HIF3A: variants seen among roughly 807,000 people sequenced by gnomAD.
HIF3A encodes the protein hypoxia inducible factor 3 subunit alpha, also known as hypoxia-inducible factor 3-alpha.
In HIF3A, 41 loss-of-function variants were observed where a neutral mutation model predicts 67.2. The observed-to-expected ratio is 0.61, with a 90% CI of 0.48 to 0.79. HIF3A has a LOEUF of 0.79. HIF3A is among the 30% of genes least tolerant of loss of function. The pLI is 0.00. For synonymous variants in HIF3A, 356 were observed against 374.8 expected (o/e 0.95, Z 0.58); for missense variants, 855 against 898.0 (o/e 0.95, Z 0.61).
chr19:46,338,832 A>G (rs1971808502), intron 14 of HIF3A, among the ~76,000 whole-genome samples: 1 of 152,124 alleles, frequency 6.6e-6, no homozygotes, highest in South Asian at 2.1e-4. Flanking sequence ...GCAGCCCTGA[A>G]CACCCCAGAG....
intron 1 of HIF3A, among the ~76,000 whole-genome samples, chr19:46,300,348 C>G (rs1206718323): frequency 1.3e-5 from 2 of 152,122 alleles, no homozygotes; most frequent in African/African-American, 4.8e-5. Flanking sequence ...ATCTCTGATA[C>G]GCACAGAGGG....
rs975876208 is a variant in HIF3A, at chr19:46,341,272, T to A, written c.*1650T>A. On this transcript the variant is annotated 3_prime_UTR_variant, in exon 15 of 15. Transcript: ENST00000377670. ...TGGAGTACAGTGGCTCAATCTCGGC[T>A]CACTGCAGCCTCCACCTCCTGGGTT... 8 of 149,970 alleles carry A rather than the reference T, an allele frequency of 5.3e-5. No homozygotes were observed. The highest frequency in any genetic ancestry group is 2.0e-4 in the African/African-American group (8 of 40,642). 9.3% of individuals were successfully genotyped at this position (149,970 alleles called of 1,614,324 possible). A position where few individuals can be genotyped will look rare whatever the true frequency, so the allele number is the denominator to read the frequency against.
chr19:46,325,445 C>T, intron 10 of HIF3A, 90 bp from the exon 11 acceptor site: 1 of 874,196 alleles, frequency 1.1e-6, no homozygotes, highest in Admixed American at 2.0e-5. Context: ...GCATTTGATC[C>T]CCACTTCTAC....
In HIF3A at chr19:46,305,351, C is replaced by CCTGT; in HGVS notation, c.326_329dup (p.Glu111ValfsTer22). On this transcript the variant is annotated frameshift_variant, in exon 3 of 15. Coordinates refer to ENST00000377670, the MANE Select transcript of HIF3A (RefSeq NM_152795.4). LOFTEE classifies it high-confidence loss of function. ...TCACCGCCGAGGGAGACATGGCTTACCTGTCGGAGAATGTCAGCAAACACC... is the reference window on the plus strand; with the variant it reads ...TCACCGCCGAGGGAGACATGGCTTACCTGTCTGTCGGAGAATGTCAGCAAACACC... 1 of 1,614,096 alleles carries CCTGT rather than the reference C, an allele frequency of 6.2e-7. No homozygotes were observed. The highest frequency in any genetic ancestry group is 2.2e-5 in the East Asian group (1 of 44,878).
At chr19:46,338,257 A>G (rs1043654477) in intron 14 of HIF3A, 6 of 454,292 alleles carry the variant, frequency 1.3e-5, no homozygotes, top group African/African-American at 1.2e-4. Context: ...TCTGGAGTGC[A>G]GTGGCACAAA....
Position 46,341,528 on chromosome 19 carries a change from C to T in HIF3A, c.*1906C>T, listed in dbSNP as rs1292220316. ...TTTCTAAATCACTTTTGTTTTAGACCTTATGAGGCTCAGCTTATTCTTCTG... is the reference window on the plus strand; with the variant it reads ...TTTCTAAATCACTTTTGTTTTAGACTTTATGAGGCTCAGCTTATTCTTCTG... On this transcript the variant is annotated 3_prime_UTR_variant, in exon 15 of 15. Coordinates refer to ENST00000377670, the MANE Select transcript of HIF3A (RefSeq NM_152795.4). 1 of 151,880 alleles carries T rather than the reference C, an allele frequency of 6.6e-6. No homozygotes were observed. The highest frequency in any genetic ancestry group is 2.4e-5 in the African/African-American group (1 of 41,350). 9.4% of individuals were successfully genotyped at this position (151,880 alleles called of 1,614,324 possible).
chr19:46,309,483 CTT>C (rs1319624665), intron 6 of HIF3A, 124 bp downstream of exon 6: 33 of 628,118 alleles, frequency 5.3e-5, no homozygotes, highest in Non-Finnish European at 7.4e-5. Context: ...CTCTCTCTCT[CTT>C]TGTGTGCCTG....
chr19:46,316,320 T>G (rs1969910357), intron 8 of HIF3A, among the ~76,000 whole-genome samples: 1 of 152,234 alleles, frequency 6.6e-6, no homozygotes. Context: ...GGGTTCCAGT[T>G]GCTCCACATC....
intron 9 of HIF3A, among the ~76,000 whole-genome samples, chr19:46,321,013 A>G (rs553936483): frequency 3.5e-4 from 53 of 151,978 alleles, no homozygotes; most frequent in African/African-American, 1.1e-3. Flanking sequence ...CTCCCAGTCT[A>G]TCCTTCAAGA....
chr19:46,339,267 C>A (rs1971839147), intron 14 of HIF3A, among the ~76,000 whole-genome samples: 1 of 151,924 alleles, frequency 6.6e-6, no homozygotes, highest in Non-Finnish European at 1.5e-5. Context: ...CCGACCCCAG[C>A]CAATAAAAAA....
intron 10 of HIF3A, among the ~76,000 whole-genome samples, 181 bp downstream of exon 10, chr19:46,322,147 T>A (rs184576918): frequency 1.9e-4 from 29 of 152,296 alleles, no homozygotes; most frequent in African/African-American, 6.7e-4. Context: ...TTTCAATTGT[T>A]AGAATTCCAG....
At position 46,340,689 on chromosome 19, in the gene HIF3A, TG is replaced by T. The variant is rs1383146706; in HGVS notation, c.*1071del. 1.3e-5 allele frequency: 2 copies of T among 152,214 alleles called. No individual in the cohort carries two copies. The highest frequency in any genetic ancestry group is 4.8e-5 in the African/African-American group (2 of 41,438). 9.4% of individuals were successfully genotyped at this position (152,214 alleles called of 1,614,324 possible). Reference sequence around the variant, plus strand: ...CTAATTTTTGTATTTTTAGTAGAGATGGGGTTTCACCACGTTGTCCAGTCTG... The same window carrying T: ...CTAATTTTTGTATTTTTAGTAGAGATGGGTTTCACCACGTTGTCCAGTCTG... On this transcript the variant is annotated 3_prime_UTR_variant, in exon 15 of 15. Coordinates refer to ENST00000377670, the MANE Select transcript of HIF3A (RefSeq NM_152795.4).
chr19:46,297,051 G>A lies in HIF3A; in HGVS notation c.-26G>A, dbSNP rs1284983321. ...GGGGAGGGGGCTAGGGGCCTCCGAG[G>A]GCTCCGGAGCGGCGACTGGCGAGCC... On this transcript the variant is annotated 5_prime_UTR_variant, in exon 1 of 15. Transcript: ENST00000377670. The surrounding 1 kb of genome is among the most constrained non-coding windows in gnomAD (Gnocchi z 4.5). 7.7e-7 allele frequency: 1 copy of A among 1,302,954 alleles called. No homozygotes were observed. The highest frequency in any genetic ancestry group is 9.9e-7 in the Non-Finnish European group (1 of 1,014,920). 80.7% of individuals were successfully genotyped at this position (1,302,954 alleles called of 1,614,324 possible). A position where few individuals can be genotyped will look rare whatever the true frequency, so the allele number is the denominator to read the frequency against.
chr19:46,334,157 T>C (rs1249415393), intron 13 of HIF3A, among the ~76,000 whole-genome samples: 6 of 151,616 alleles, frequency 4.0e-5, no homozygotes, highest in African/African-American at 1.5e-4. Context: ...AGTGGCACGA[T>C]CTTGGCTCAC....
At chr19:46,298,241 C>G in intron 1 of HIF3A, 1 of 377,188 alleles carries the variant, frequency 2.7e-6, no homozygotes, top group Non-Finnish European at 5.1e-6. Flanking sequence ...CTACTCTATT[C>G]CAGGCCCTGG....
intron 14 of HIF3A, 55 bp downstream of exon 14, chr19:46,335,041 G>A (rs958257480): frequency 1.5e-5 from 21 of 1,442,560 alleles, no homozygotes; most frequent in Non-Finnish European, 2.0e-5. Context: ...CCCGGGAGGT[G>A]CGAGAGGGAT....
At chr19:46,309,453 C>G (rs1321618332) in intron 6 of HIF3A, 94 bp downstream of exon 6, 1 of 718,536 alleles carries the variant, frequency 1.4e-6, no homozygotes, top group African/African-American at 1.8e-5. Context: ...CCTTCTCTCT[C>G]TCTCTCTCAC....
At chr19:46,305,080 T>G in intron 2 of HIF3A, 165 bp from the exon 3 acceptor site, 1 of 961,740 alleles carries the variant, frequency 1.0e-6, no homozygotes, top group Non-Finnish European at 1.6e-6. Flanking sequence ...TGGTCCTGCT[T>G]TCTTCCTTGG....
In HIF3A at chr19:46,339,534, C is replaced by A; in HGVS notation, c.1922C>A (p.Pro641His). 6.3e-7 allele frequency: 1 copy of A among 1,589,858 alleles called. No individual in the cohort carries two copies. The highest frequency in any genetic ancestry group is 8.6e-7 in the Non-Finnish European group (1 of 1,166,574). ...TCTTTCATCTTTGCAGGCCTGGGCC[C>A]CTCACTGCTCTCTCCGTACTCAGAC... ...LNLNEPLGLG[P>H]SLLSPYSDED... Residue 641 changes from proline (P) to histidine (H), a missense_variant, in exon 15 of 15, where the codon CCC becomes CAC. Physicochemically the swap from Pro to His is moderately conservative, Grantham distance 77. This residue lies in a region of HIF3A where 199 missense variants were observed against 193.8 expected (regional missense o/e 1.03). Transcript: ENST00000377670.
Sources: gnomAD v4.1 joint callset for allele counts (sites outside exome capture counted in the v4.1 genomes callset) on GRCh38, gnomAD v4.1.1 for gene constraint, gnomAD v4.1.1 regional missense constraint, Gnocchi (gnomAD v3.1) non-coding constraint, MANE v1.5 for transcripts, NCBI Gene and HGNC (gene_info 2026-07-23, HGNC 2026-07-21) for gene names.